ATPSCKMT: variants seen among roughly 807,000 people sequenced by gnomAD.
ATPSCKMT encodes the protein ATP synthase c subunit lysine N-methyltransferase.
In ATPSCKMT, 24 loss-of-function variants were observed where a neutral mutation model predicts 24.3. That is an observed-to-expected ratio of 0.99 (90% confidence interval 0.71 to 1.39). ATPSCKMT has a LOEUF of 1.39. ATPSCKMT is among the 40% of genes most tolerant of loss of function. The pLI is 0.00. For missense variants in ATPSCKMT, 311 were observed against 298.4 expected (o/e 1.04, Z -0.31); for synonymous variants, 95 against 110.5 (o/e 0.86, Z 0.88).
At chr5:10,236,193 G>GTAAT in intron 3 of ATPSCKMT, 1 of 274,260 alleles carries the variant, frequency 3.6e-6, no homozygotes, top group African/African-American at 2.2e-5. Context: ...ATTTCCAAAT[G>GTAAT]AGATGAAAAA....
At position 10,227,186 on chromosome 5, in the gene ATPSCKMT, C is replaced by A; in HGVS notation, c.*255G>T. 1 of 477,622 alleles carries A rather than the reference C, an allele frequency of 2.1e-6. No homozygotes were observed. Among genetic ancestry groups the A allele is most frequent in the Non-Finnish European group, 3.8e-6 (1 of 263,050 alleles). 29.6% of individuals were successfully genotyped at this position (477,622 alleles called of 1,614,324 possible). A position where few individuals can be genotyped will look rare whatever the true frequency, so the allele number is the denominator to read the frequency against. The stretch of plus-strand genomic sequence containing the variant: ...TTATTTTCCTACCCATAACCATGAC[C>A]ATCACTTATTCATCTTTTCATGCAT... On this transcript the variant is annotated 3_prime_UTR_variant, in exon 5 of 5. Transcript: ENST00000511437.
chr5:10,238,155 A>G (rs1744459316), intron 2 of ATPSCKMT, among the ~76,000 whole-genome samples: 1 of 152,184 alleles, frequency 6.6e-6, no homozygotes, highest in Non-Finnish European at 1.5e-5. Context: ...AGATGAAAAG[A>G]GTTCTGGAGA....
Position 10,247,419 on chromosome 5 carries a change from C to A in ATPSCKMT, c.16+2439G>T, listed in dbSNP as rs139152018. The stretch of plus-strand genomic sequence containing the variant: ...GCAGTAGCACAATCACAGCTCACCA[C>A]AGCCTTGACCTCTCAGGCTCAAACG... On this transcript the variant is annotated intron_variant, in intron 1 of 4. Coordinates refer to ENST00000511437, the MANE Select transcript of ATPSCKMT (RefSeq NM_199133.4). 3.5e-3 allele frequency among the ~76,000 whole-genome samples: 526 copies of A among 152,366 alleles called. 1 individual carries two copies. Among genetic ancestry groups the A allele is most frequent in the African/African-American group, 0.012 (502 of 41,576 alleles).
At chr5:10,238,128 A>T (rs757893545) in intron 2 of ATPSCKMT, among the ~76,000 whole-genome samples, 1 of 152,182 alleles carries the variant, frequency 6.6e-6, no homozygotes, top group Non-Finnish European at 1.5e-5. Flanking sequence ...TAATCGGGGC[A>T]GAGTTTCAGT....
chr5:10,235,199 G>C lies in ATPSCKMT; in HGVS notation c.495+12C>G. 6.2e-7 allele frequency: 1 copy of C among 1,613,466 alleles called. No individual in the cohort carries two copies. Among genetic ancestry groups the C allele is most frequent in the African/African-American group, 1.3e-5 (1 of 75,020 alleles). On this transcript the variant is annotated intron_variant, in intron 4 of 4. Coordinates refer to ENST00000511437, the MANE Select transcript of ATPSCKMT (RefSeq NM_199133.4). The stretch of plus-strand genomic sequence containing the variant: ...CTAACCCCAAACAGAGAGCAGGAAA[G>C]TGCATACTCACCATCTGAGGCACAC...
At chr5:10,233,636 G>C (rs1448091376) in intron 4 of ATPSCKMT, among the ~76,000 whole-genome samples, 1 of 150,306 alleles carries the variant, frequency 6.7e-6, no homozygotes, top group African/African-American at 2.5e-5. Context: ...CCCGGAGTCG[G>C]CTCCACAGGT....
Position 10,239,248 on chromosome 5 carries a change from C to T in ATPSCKMT, c.125G>A (p.Gly42Glu). The T allele has an allele frequency of 6.2e-7, 1 of 1,614,140 alleles. No homozygotes were observed. Among genetic ancestry groups the T allele is most frequent in the Non-Finnish European group, 8.5e-7 (1 of 1,180,034 alleles). Residue 42 changes from glycine to glutamate, a missense_variant, in exon 2 of 5, where the codon GGG (glycine) becomes GAG (glutamate). Transcript: ENST00000511437. The part of the protein sequence containing the change: ...QKSNWGFLLT[G>E]LVGGTLVAVY... ...AGCCACCAGGGTGCCACCCACAAGC[C>T]CAGTAAGTAAGAACCCCCAGTTGCT...
In ATPSCKMT at chr5:10,236,326, C is replaced by T. The variant is rs947722229; in HGVS notation, c.444+152G>A. 4.3e-5 allele frequency: 40 copies of T among 935,500 alleles called. No individual in the cohort carries two copies. The African/African-American group carries it at 4.8e-4, about 11-fold the overall frequency. 57.9% of individuals were successfully genotyped at this position (935,500 alleles called of 1,614,324 possible). A position where few individuals can be genotyped will look rare whatever the true frequency, so the allele number is the denominator to read the frequency against. ...TCTCTAAAGGAGACTATTTGTAAAA[C>T]GTATCAATTTTACATATTTCATTAT... On this transcript the variant is annotated intron_variant, in intron 3 of 4. Transcript: ENST00000511437.
rs563312246 is a variant in ATPSCKMT, at chr5:10,226,514, C to T, written c.*927G>A. 2.0e-3 allele frequency: 307 copies of T among 152,292 alleles called. 1 individual carries two copies. Among genetic ancestry groups the T allele is most frequent in the African/African-American group, 6.4e-3 (268 of 41,562 alleles). The allele number at this position is 152,292 out of a possible 1,614,324, so 9.4% of individuals were successfully genotyped here. A position where few individuals can be genotyped will look rare whatever the true frequency, so the allele number is the denominator to read the frequency against. On this transcript the variant is annotated 3_prime_UTR_variant, in exon 5 of 5. Transcript: ENST00000511437. ...CAGATATATGAAGCTTGTCTACTCA[C>T]GTTCAAAGGTTTTCCTTAATTCGTC... is the stretch of plus-strand genomic sequence containing the variant.
intron 4 of ATPSCKMT, among the ~76,000 whole-genome samples, chr5:10,233,562 T>C (rs566174931): frequency 3.0e-4 from 45 of 150,994 alleles, no homozygotes; most frequent in African/African-American, 1.1e-3. Context: ...AATAAGACTC[T>C]TATTTCCCCT....
Position 10,227,599 on chromosome 5 carries a change from G to C in ATPSCKMT, c.544C>G (p.Arg182Gly), listed in dbSNP as rs200658616. Residue 182 changes from arginine to glycine, a missense_variant, in exon 5 of 5, where the codon CGA becomes GGA. Arg to Gly is a moderately radical substitution (Grantham distance 125). Transcript: ENST00000511437. ...AAAGGGAACCGGCAAGCAATAACTC[G>C]TGCATCATCCTCAAGTTCACGTTCA... ...KLERELEDDA[R>G]VIACRFPFPH... is the part of the protein sequence containing the mutation. The C allele has an allele frequency of 6.2e-7, 1 of 1,614,160 alleles. No individual in the cohort carries two copies. Among genetic ancestry groups the C allele is most frequent in the Non-Finnish European group, 8.5e-7 (1 of 1,180,036 alleles).
chr5:10,227,324 T>C lies in ATPSCKMT; in HGVS notation c.*117A>G, dbSNP rs1743925167. Reference sequence around the variant, plus strand: ...TTTCTCCAACAGTTAAGGAAAGTAATAGTAATTTCTCATTCCAAACCAAAG... The same window carrying C: ...TTTCTCCAACAGTTAAGGAAAGTAACAGTAATTTCTCATTCCAAACCAAAG... On this transcript the variant is annotated 3_prime_UTR_variant, in exon 5 of 5. Transcript: ENST00000511437. 2.0e-6 allele frequency: 2 copies of C among 1,018,958 alleles called. No homozygotes were observed. Among genetic ancestry groups the C allele is most frequent in the Non-Finnish European group, 2.9e-6 (2 of 699,552 alleles). 63.1% of individuals were successfully genotyped at this position (1,018,958 alleles called of 1,614,324 possible).
chr5:10,239,023 T>G (rs1477526841), intron 2 of ATPSCKMT, 44 bp downstream of exon 2: 1 of 1,579,676 alleles, frequency 6.3e-7, no homozygotes, highest in Non-Finnish European at 8.6e-7. Context: ...AGCAGAAATT[T>G]TAAGTTCTGG....
intron 1 of ATPSCKMT, among the ~76,000 whole-genome samples, chr5:10,239,997 C>T (rs772362302): frequency 2.6e-5 from 4 of 151,842 alleles, no homozygotes; most frequent in South Asian, 2.1e-4. Context: ...GAGGCCAAGG[C>T]GGGCCGATCA....
intron 2 of ATPSCKMT, 25 bp from the exon 3 acceptor site, chr5:10,236,640 C>G (rs749644559): frequency 3.1e-6 from 5 of 1,603,068 alleles, no homozygotes; most frequent in Non-Finnish European, 4.3e-6. Flanking sequence ...AGGATTTATT[C>G]AAAATAAGAA....
chr5:10,242,383 C>T (rs996777154), intron 1 of ATPSCKMT, among the ~76,000 whole-genome samples: 1 of 152,198 alleles, frequency 6.6e-6, no homozygotes, highest in Non-Finnish European at 1.5e-5. Context: ...CAAGAAACAA[C>T]CTCCCTTGCT....
At chr5:10,249,423 A>T (rs10061452) in intron 1 of ATPSCKMT, 6,692 of 194,722 alleles carry the variant, frequency 0.034, 497 homozygotes, top group African/African-American at 0.15. Context: ...TTCTCCTTGA[A>T]TCTCACAGCA....
chr5:10,249,784 C>G (rs1397316572), intron 1 of ATPSCKMT, 74 bp downstream of exon 1: 5 of 1,527,082 alleles, frequency 3.3e-6, no homozygotes, highest in Admixed American at 4.5e-5. Context: ...GAGACCTCAG[C>G]TGACCGCGAG....
chr5:10,248,096 C>T (rs1347058051), intron 1 of ATPSCKMT, among the ~76,000 whole-genome samples: 1 of 152,208 alleles, frequency 6.6e-6, no homozygotes, highest in African/African-American at 2.4e-5. Context: ...TTAAAGCGGG[C>T]TTATATCAGA....
Sources: gnomAD v4.1 joint callset for allele counts (sites outside exome capture counted in the v4.1 genomes callset) on GRCh38, gnomAD v4.1.1 for gene constraint, MANE v1.5 for transcripts, NCBI Gene and HGNC (gene_info 2026-07-23, HGNC 2026-07-21) for gene names.